The following DOCK5 variants were observed in gnomAD, a reference collection of about 807,000 sequenced individuals.
The protein encoded by DOCK5 is dedicator of cytokinesis protein 5.
In DOCK5, 142 loss-of-function variants were observed where a neutral mutation model predicts 251.8. That is an observed-to-expected ratio of 0.56 (90% CI 0.49 to 0.65). The LOEUF (loss-of-function observed/expected upper bound fraction) is 0.65, where lower values mean the gene tolerates loss of function less well. DOCK5 is among the 30% of genes least tolerant of loss of function. DOCK5 has a pLI of 0.00. For synonymous variants in DOCK5, 842 were observed against 835.5 expected (o/e 1.01, Z -0.13); for missense variants, 2,111 against 2,312.3 (o/e 0.91, Z 1.79).
At position 25,315,146 on chromosome 8, in the gene DOCK5, A is replaced by ATTTTTTTTTTTTTTTTTTTTTTTTTTTTT. The variant is rs777497378; in HGVS notation, c.1319-1858_1319-1857insTTTTTTTTTTTTTTTTTTTTTTTTTTTTT. Among the ~76,000 whole-genome samples, 536 of 54,436 alleles carry ATTTTTTTTTTTTTTTTTTTTTTTTTTTTT rather than the reference A, an allele frequency of 9.8e-3. 2 individuals are homozygous for ATTTTTTTTTTTTTTTTTTTTTTTTTTTTT. Among genetic ancestry groups the ATTTTTTTTTTTTTTTTTTTTTTTTTTTTT allele is most frequent in the Non-Finnish European group, 0.019 (388 of 20,628 alleles). 35.7% of individuals were successfully genotyped at this position (54,436 alleles called of 152,430 possible). A position where few individuals can be genotyped will look rare whatever the true frequency, so the allele number is the denominator to read the frequency against. On this transcript the variant is annotated intron_variant, in intron 13 of 51. Coordinates refer to ENST00000276440, the MANE Select transcript of DOCK5 (RefSeq NM_024940.8). Reference sequence around the variant, plus strand: ...TTGAGGGTAAATATTAAAATTCTTAATTTGCCCACCGGCCTCAGGGGGATC... The same window carrying ATTTTTTTTTTTTTTTTTTTTTTTTTTTTT: ...TTGAGGGTAAATATTAAAATTCTTAATTTTTTTTTTTTTTTTTTTTTTTTTTTTTTTTGCCCACCGGCCTCAGGGGGATC...
At chr8:25,242,381 G>T (rs577408357) in intron 1 of DOCK5, among the ~76,000 whole-genome samples, 1 of 152,116 alleles carries the variant, frequency 6.6e-6, no homozygotes, top group Non-Finnish European at 1.5e-5. Context: ...TTAACTTTTT[G>T]AGAAGTTCCC....
chr8:25,199,962 GA>G (rs1801840819), intron 1 of DOCK5, among the ~76,000 whole-genome samples: 1 of 40,798 alleles, frequency 2.5e-5, no homozygotes, highest in African/African-American at 8.1e-5. Flanking sequence ...ATTTGTTTTA[GA>G]TTTGTTAATT....
At chr8:25,354,509 T>G (rs751979259) in intron 27 of DOCK5, among the ~76,000 whole-genome samples, 1 of 152,114 alleles carries the variant, frequency 6.6e-6, no homozygotes. Flanking sequence ...CAGGACTGGA[T>G]GTAAAGGCAG....
intron 1 of DOCK5, among the ~76,000 whole-genome samples, chr8:25,207,140 A>G (rs544737884): frequency 6.6e-6 from 1 of 152,312 alleles, no homozygotes; most frequent in Admixed American, 6.5e-5. Flanking sequence ...CTCCTTCTAT[A>G]TAGCACATCA....
At chr8:25,368,822 C>A in intron 33 of DOCK5, 97 bp downstream of exon 33, 2 of 1,256,866 alleles carry the variant, frequency 1.6e-6, no homozygotes, top group Non-Finnish European at 2.1e-6. Context: ...CTTAATAATG[C>A]AAGTCCATGT....
chr8:25,279,712 A>C (rs1355550182), intron 5 of DOCK5, among the ~76,000 whole-genome samples: 1 of 151,850 alleles, frequency 6.6e-6, no homozygotes, highest in East Asian at 1.9e-4. Flanking sequence ...CCGCCTCCCA[A>C]GTTCAAGCAA....
chr8:25,184,991 G>T, intron 1 of DOCK5, 40 bp downstream of exon 1: 1 of 1,326,962 alleles, frequency 7.5e-7, no homozygotes, highest in Non-Finnish European at 9.7e-7. Flanking sequence ...CGACCCACGC[G>T]GCCAAGTTCG....
At chr8:25,266,222 T>C (rs888137949) in intron 2 of DOCK5, among the ~76,000 whole-genome samples, 2 of 143,372 alleles carry the variant, frequency 1.4e-5, no homozygotes, top group African/African-American at 2.6e-5. Flanking sequence ...TTATGCCTTC[T>C]TTTTTTTTTT....
intron 2 of DOCK5, among the ~76,000 whole-genome samples, chr8:25,255,685 GATA>G (rs1314011704): frequency 2.0e-5 from 3 of 152,204 alleles, no homozygotes; most frequent in Non-Finnish European, 4.4e-5. Flanking sequence ...GACTTTGGGT[GATA>G]ATGATGTGTC....
At chr8:25,370,309 A>G (rs1420249867) in intron 34 of DOCK5, among the ~76,000 whole-genome samples, 1 of 152,240 alleles carries the variant, frequency 6.6e-6, no homozygotes, top group Non-Finnish European at 1.5e-5. Flanking sequence ...CCACATATTA[A>G]GAGTTTGGCT....
At chr8:25,357,121 A>G (rs1800589773) in intron 27 of DOCK5, among the ~76,000 whole-genome samples, 1 of 151,536 alleles carries the variant, frequency 6.6e-6, no homozygotes, top group Admixed American at 6.6e-5. Flanking sequence ...ATGGCCAAAA[A>G]GTTCATGGAC....
At position 25,221,774 on chromosome 8, in the gene DOCK5, A is replaced by T. The variant is rs140690350; in HGVS notation, c.44-21900A>T. 1.4e-4 allele frequency among the ~76,000 whole-genome samples: 21 copies of T among 152,332 alleles called. No individual in the cohort carries two copies. The East Asian group carries it at 4.1e-3, about 29-fold the overall frequency. On this transcript the variant is annotated intron_variant, in intron 1 of 51. Transcript: ENST00000276440. ...CTCACAGGAATCATGCATAAAGTGT[A>T]CAGTTATTCCTCAGATTGGCAGAGG...
intron 1 of DOCK5, among the ~76,000 whole-genome samples, chr8:25,225,432 C>T (rs760743629): frequency 1.4e-4 from 21 of 152,112 alleles, no homozygotes; most frequent in African/African-American, 4.6e-4. Context: ...GAAATTCTGC[C>T]GTGGTGGCTC....
At chr8:25,273,331 C>T (rs1337062728) in intron 3 of DOCK5, among the ~76,000 whole-genome samples, 1 of 152,206 alleles carries the variant, frequency 6.6e-6, no homozygotes, top group Non-Finnish European at 1.5e-5. Context: ...AGGCACATGG[C>T]TCATACCTGT....
chr8:25,257,813 A>G (rs764873384), intron 2 of DOCK5, among the ~76,000 whole-genome samples: 1 of 152,200 alleles, frequency 6.6e-6, no homozygotes, highest in Non-Finnish European at 1.5e-5. Flanking sequence ...AGTCATGCTG[A>G]TGATAACAAA....
intron 2 of DOCK5, among the ~76,000 whole-genome samples, chr8:25,266,557 C>T (rs898774828): frequency 6.6e-6 from 1 of 151,726 alleles, no homozygotes; most frequent in Non-Finnish European, 1.5e-5. Flanking sequence ...TGTAAATACG[C>T]GGGATTAATT....
intron 28 of DOCK5, among the ~76,000 whole-genome samples, chr8:25,360,485 G>A (rs1800657568): frequency 6.6e-6 from 1 of 152,180 alleles, no homozygotes; most frequent in Non-Finnish European, 1.5e-5. Flanking sequence ...CAGGCAGGTG[G>A]TGTAGCGGGT....
chr8:25,362,517 A>T (rs1429299423), intron 28 of DOCK5, among the ~76,000 whole-genome samples: 1 of 129,292 alleles, frequency 7.7e-6, no homozygotes. Context: ...CCCAGGCTGG[A>T]GTGCAATGGC....
At chr8:25,381,923 A>G (rs1273089900) in intron 39 of DOCK5, among the ~76,000 whole-genome samples, 1 of 152,110 alleles carries the variant, frequency 6.6e-6, no homozygotes, top group Non-Finnish European at 1.5e-5. Context: ...GAACATCACC[A>G]CCACCTTCTG....
Sources: gnomAD v4.1 joint callset for allele counts (sites outside exome capture counted in the v4.1 genomes callset) on GRCh38, gnomAD v4.1.1 for gene constraint, MANE v1.5 for transcripts, NCBI Gene and HGNC (gene_info 2026-07-23, HGNC 2026-07-21) for gene names.